The following BTBD10 variants were observed in gnomAD, a reference collection of about 807,000 sequenced individuals.
BTBD10 encodes BTB/POZ domain-containing protein 10.
A neutral mutation model predicts 53.2 loss-of-function variants in BTBD10; 21 were observed. That is an observed-to-expected ratio of 0.39 (90% CI 0.28 to 0.57). BTBD10 has a LOEUF of 0.57. BTBD10 is among the 20% of genes least tolerant of loss of function. The probability of loss-of-function intolerance (pLI) is 0.53; values close to 1 mark genes in which losing one functional copy is unlikely to be tolerated. For synonymous variants in BTBD10, 149 were observed against 192.7 expected (o/e 0.77, Z 1.88); for missense variants, 360 against 594.7 (o/e 0.61, Z 4.10).
chr11:13,416,257 G>C (rs1445831869), intron 5 of BTBD10, among the ~76,000 whole-genome samples: 1 of 151,936 alleles, frequency 6.6e-6, no homozygotes, highest in Non-Finnish European at 1.5e-5. Flanking sequence ...GGGAGGCTGA[G>C]GTGGGATGAT....
chr11:13,427,433 C>T (rs1950361805), intron 2 of BTBD10, among the ~76,000 whole-genome samples: 2 of 152,136 alleles, frequency 1.3e-5, no homozygotes, highest in Admixed American at 1.3e-4. Context: ...GTGCACATAA[C>T]AATCCAAATG....
chr11:13,403,339 A>G, intron 7 of BTBD10, 61 bp from the exon 8 acceptor site: 1 of 964,942 alleles, frequency 1.0e-6, no homozygotes, highest in Non-Finnish European at 1.5e-6. Flanking sequence ...ATGAACTTAA[A>G]TTTATCTTGC....
chr11:13,443,281 A>G (rs1465822501), intron 2 of BTBD10, among the ~76,000 whole-genome samples: 2 of 151,896 alleles, frequency 1.3e-5, no homozygotes, highest in Non-Finnish European at 1.5e-5. Flanking sequence ...CAGCACTAAA[A>G]AGTTACTGAT....
intron 8 of BTBD10, among the ~76,000 whole-genome samples, chr11:13,394,670 A>AT (rs1949492043): frequency 6.6e-6 from 1 of 151,632 alleles, no homozygotes; most frequent in South Asian, 2.1e-4. Context: ...AGCATTAGCT[A>AT]TATCTCCTAA....
intron 8 of BTBD10, among the ~76,000 whole-genome samples, chr11:13,402,076 G>C (rs948816080): frequency 8.5e-5 from 13 of 152,166 alleles, no homozygotes; most frequent in Non-Finnish European, 1.6e-4. Context: ...CTAGCTCTAA[G>C]ACCAAGTAGC....
intron 1 of BTBD10, among the ~76,000 whole-genome samples, chr11:13,449,313 A>G (rs2134043074): frequency 6.6e-6 from 1 of 152,312 alleles, no homozygotes; most frequent in Non-Finnish European, 1.5e-5. Flanking sequence ...TAGGAAGTTT[A>G]TATATTTTCT....
chr11:13,456,490 A>G (rs1346933263), intron 1 of BTBD10, among the ~76,000 whole-genome samples: 2 of 152,230 alleles, frequency 1.3e-5, no homozygotes, highest in Non-Finnish European at 2.9e-5. Flanking sequence ...TAGAAAAATT[A>G]TGGGTGATTT....
chr11:13,439,834 T>C (rs997423901), intron 2 of BTBD10: 11 of 1,395,014 alleles, frequency 7.9e-6, no homozygotes, highest in Admixed American at 7.5e-5. Flanking sequence ...CAAATTCATA[T>C]ATGTAAATAA....
chr11:13,453,555 A>G (rs1950906377), intron 1 of BTBD10, among the ~76,000 whole-genome samples: 1 of 152,128 alleles, frequency 6.6e-6, no homozygotes, highest in Non-Finnish European at 1.5e-5. Context: ...TCCTTGTTTA[A>G]TTTTACTGCT....
chr11:13,445,463 A>C (rs2134033348), intron 1 of BTBD10, among the ~76,000 whole-genome samples: 1 of 152,296 alleles, frequency 6.6e-6, no homozygotes, highest in South Asian at 2.1e-4. Context: ...CTGTATAGGT[A>C]CCTCATGTAT....
At chr11:13,395,716 TAAGGTGTAAGGAA>T (rs1949529973) in intron 8 of BTBD10, among the ~76,000 whole-genome samples, 1 of 152,190 alleles carries the variant, frequency 6.6e-6, no homozygotes, top group Non-Finnish European at 1.5e-5. Context: ...AATTTTTGTA[TAAGGTGTAAGGAA>T]GGGATCCAGT....
intron 8 of BTBD10, among the ~76,000 whole-genome samples, chr11:13,392,992 A>G (rs1352525631): frequency 6.6e-6 from 1 of 152,176 alleles, no homozygotes; most frequent in African/African-American, 2.4e-5. Context: ...TAAGAACCCA[A>G]CCCTAGGAGG....
At chr11:13,414,403 C>T (rs11022808) in intron 5 of BTBD10, among the ~76,000 whole-genome samples, 23,025 of 152,082 alleles carry the variant, frequency 0.15, 1,994 homozygotes, top group Admixed American at 0.24. Flanking sequence ...CCTATAATCT[C>T]AGAACTTTGG....
intron 1 of BTBD10, among the ~76,000 whole-genome samples, chr11:13,459,338 G>A (rs1416699043): frequency 6.6e-6 from 1 of 152,156 alleles, no homozygotes; most frequent in Non-Finnish European, 1.5e-5. Flanking sequence ...GATTACAGGC[G>A]TGAGCCACCA....
intron 7 of BTBD10, 106 bp downstream of exon 7, chr11:13,405,553 G>A: frequency 8.3e-7 from 1 of 1,204,530 alleles, no homozygotes; most frequent in South Asian, 1.4e-5. Flanking sequence ...AATAGGTGAT[G>A]GGCTGGATTG....
intron 3 of BTBD10, among the ~76,000 whole-genome samples, chr11:13,420,265 T>C (rs77524539): frequency 1.3e-5 from 2 of 151,470 alleles, no homozygotes; most frequent in Non-Finnish European, 2.9e-5. Context: ...AAAAAGAAGG[T>C]CCCCTTTCCC....
chr11:13,458,887 T>C (rs964206791), intron 1 of BTBD10, among the ~76,000 whole-genome samples: 2 of 152,142 alleles, frequency 1.3e-5, no homozygotes, highest in African/African-American at 4.8e-5. Flanking sequence ...CTGCATTGTA[T>C]AAAATAAATT....
chr11:13,456,070 G>T (rs1328849825), intron 1 of BTBD10, among the ~76,000 whole-genome samples: 2 of 152,150 alleles, frequency 1.3e-5, no homozygotes, highest in Non-Finnish European at 2.9e-5. Flanking sequence ...TCTAAAATTT[G>T]CCCTGAGACA....
chr11:13,391,206 C>T (rs1949398041), intron 8 of BTBD10, among the ~76,000 whole-genome samples: 1 of 152,208 alleles, frequency 6.6e-6, no homozygotes, highest in Non-Finnish European at 1.5e-5. Flanking sequence ...CTGTCATCTA[C>T]TATCATGCTA....
Sources: gnomAD v4.1 joint callset for allele counts (sites outside exome capture counted in the v4.1 genomes callset) on GRCh38, gnomAD v4.1.1 for gene constraint, MANE v1.5 for transcripts, NCBI Gene and HGNC (gene_info 2026-07-23, HGNC 2026-07-21) for gene names.